Variants in ACO2 observed in about 807,000 individuals in gnomAD.
The protein encoded by ACO2 is aconitase 2.
ACO2 carries 31 observed loss-of-function variants against 84.5 expected under a neutral mutation model. The observed-to-expected ratio is 0.37, with a 90% confidence interval of 0.28 to 0.50. The LOEUF is 0.50. Among genes scored for constraint, ACO2 ranks in the 20% least tolerant of loss-of-function variants. ACO2 has a pLI of 0.97. For missense variants in ACO2, 685 were observed against 1,029.3 expected, an observed-to-expected ratio of 0.67 and a Z score of 4.58; for synonymous variants, 414 against 412.7, an observed-to-expected ratio of 1.00 and a Z score of -0.04.
chr22:41,517,521 C>A lies in ACO2; in HGVS notation c.836-6C>A. ...AGCCAATGCCCGGGGCTCTGTTGCT[C>A]CACAGGCATGGCGACAATCTGCAAC... On this transcript the variant is annotated splice_region_variant and splice_polypyrimidine_tract_variant and intron_variant, in intron 6 of 17. Transcript: ENST00000216254. 6.2e-7 allele frequency: 1 copy of A among 1,613,342 alleles called. No homozygotes were observed.
chr22:41,496,915 T>G (rs111613349), intron 1 of ACO2, among the ~76,000 whole-genome samples: 1 of 152,116 alleles, frequency 6.6e-6, no homozygotes, highest in South Asian at 2.1e-4. Context: ...GTTCAGGTGC[T>G]GAGATTGACA....
chr22:41,499,930 G>C, intron 2 of ACO2, 68 bp downstream of exon 2: 1 of 1,580,804 alleles, frequency 6.3e-7, no homozygotes, highest in Non-Finnish European at 8.6e-7. Context: ...GTCAGGCAGA[G>C]AAGGAGGTGT....
intron 1 of ACO2, among the ~76,000 whole-genome samples, chr22:41,489,327 G>A (rs1383120229): frequency 1.3e-5 from 2 of 152,180 alleles, no homozygotes; most frequent in Admixed American, 1.3e-4. Flanking sequence ...TACAGGTGTT[G>A]TGAGCCCTGC....
chr22:41,525,450 A>G (rs2066574206), intron 14 of ACO2, 102 bp downstream of exon 14: 1 of 1,438,614 alleles, frequency 7.0e-7, no homozygotes, highest in East Asian at 2.3e-5. Flanking sequence ...AGCACAGTCA[A>G]GACGCAGGTG....
intron 2 of ACO2, among the ~76,000 whole-genome samples, chr22:41,502,455 C>T (rs2066360021): frequency 6.6e-6 from 1 of 152,206 alleles, no homozygotes; most frequent in Non-Finnish European, 1.5e-5. Context: ...GAACCACTGT[C>T]CCTGTCAATA....
At chr22:41,507,744 G>A in intron 2 of ACO2, 47 bp from the exon 3 acceptor site, 1 of 1,580,978 alleles carries the variant, frequency 6.3e-7, no homozygotes, top group Non-Finnish European at 8.6e-7. Context: ...GGCGGGAGGA[G>A]GCCGTGCAGC....
In ACO2 at chr22:41,528,617, C is replaced by T. The variant is rs1382739120; in HGVS notation, c.*4C>T. 2 of 1,576,206 alleles carry T rather than the reference C, an allele frequency of 1.3e-6. No homozygotes were observed. Among genetic ancestry groups the T allele is most frequent in the Non-Finnish European group, 1.7e-6 (2 of 1,164,788 alleles). ...AATGAAGGAACTGCAACAGTGAGGG[C>T]AGTGCCTCCCCGCCCCGCCGCTGGC... On this transcript the variant is annotated 3_prime_UTR_variant, in exon 18 of 18. Coordinates refer to ENST00000216254, the MANE Select transcript of ACO2 (RefSeq NM_001098.3).
intron 1 of ACO2, among the ~76,000 whole-genome samples, chr22:41,495,903 AGTT>A (rs1348760361): frequency 1.3e-5 from 2 of 151,834 alleles, no homozygotes; most frequent in Non-Finnish European, 2.9e-5. Context: ...GCTCAGCCAC[AGTT>A]GTTTTTATTT....
intron 1 of ACO2, among the ~76,000 whole-genome samples, chr22:41,493,141 C>G (rs2066285832): frequency 6.6e-6 from 1 of 152,072 alleles, no homozygotes; most frequent in African/African-American, 2.4e-5. Context: ...ACAACTAACC[C>G]ACTTCTGTAA....
At chr22:41,506,925 G>C (rs893603649) in intron 2 of ACO2, among the ~76,000 whole-genome samples, 1 of 151,826 alleles carries the variant, frequency 6.6e-6, no homozygotes, top group Admixed American at 6.6e-5. Context: ...GTGCAGCCGG[G>C]AGTCAGCCGG....
chr22:41,515,481 T>C lies in ACO2; in HGVS notation c.630T>C (p.Gly210=). 6.2e-7 allele frequency: 1 copy of C among 1,613,484 alleles called. No individual in the cohort carries two copies. The highest frequency in any genetic ancestry group is 1.3e-5 in the African/African-American group (1 of 74,944). The change falls in exon 5 of 18, where the codon GGT becomes GGC. Residue 210 remains glycine, a synonymous_variant. Transcript: ENST00000216254. This position sits in a 1 kb window ranked among gnomAD's most constrained non-coding sequence, Gnocchi z 5.8. ...GLGGICIGVG[G]ADAVDVMAGI... The stretch of plus-strand genomic sequence containing the variant: ...GGGGCATCTGCATTGGAGTTGGGGG[T>C]GCCGATGCTGTGGATGTCATGGCTG...
rs1601938744 is a variant in ACO2 at position 41,528,010 on chromosome 22, C to T, written c.2196C>T (p.Phe732=). ...TGACCATTCAGGGCCTGAAGGACTT[C>T]ACCCCTGGCAAGGTTAGGGGCCCGG... ...DKLTIQGLKD[F]TPGKPLKCII... The change falls in exon 17 of 18, where the codon TTC becomes TTT. Residue 732 remains phenylalanine (F), a synonymous_variant. Coordinates refer to ENST00000216254, the MANE Select transcript of ACO2 (RefSeq NM_001098.3). 6.2e-7 allele frequency: 1 copy of T among 1,614,172 alleles called. No individual in the cohort carries two copies. Among genetic ancestry groups the T allele is most frequent in the African/African-American group, 1.3e-5 (1 of 75,054 alleles).
At chr22:41,478,218 A>G (rs886401937) in intron 1 of ACO2, among the ~76,000 whole-genome samples, 1 of 151,776 alleles carries the variant, frequency 6.6e-6, no homozygotes, top group Non-Finnish European at 1.5e-5. Context: ...TCTCACTGCA[A>G]CCTCCACCTC....
chr22:41,518,406 C>T (rs1316700557), intron 7 of ACO2, 75 bp from the exon 8 acceptor site: 2 of 1,155,238 alleles, frequency 1.7e-6, no homozygotes, highest in Non-Finnish European at 2.6e-6. Context: ...GGCAGGTGCT[C>T]AGGTGGGTGG....
chr22:41,497,327 C>T (rs2066321503), intron 1 of ACO2, among the ~76,000 whole-genome samples: 1 of 152,116 alleles, frequency 6.6e-6, no homozygotes, highest in Admixed American at 6.5e-5. Context: ...CCTCAGCCTC[C>T]CAAAGTGCTG....
chr22:41,518,708 T>C (rs1601920802), intron 8 of ACO2, 136 bp downstream of exon 8: 2 of 678,612 alleles, frequency 2.9e-6, no homozygotes, highest in East Asian at 5.7e-5. Flanking sequence ...CCAAGGCAGG[T>C]GGGTCAGTTG....
chr22:41,513,264 A>G (rs2066449348), intron 4 of ACO2, among the ~76,000 whole-genome samples: 1 of 152,152 alleles, frequency 6.6e-6, no homozygotes, highest in African/African-American at 2.4e-5. Context: ...TCCTGGGCCA[A>G]AGTTTGGAGC....
chr22:41,479,858 C>T (rs969515558), intron 1 of ACO2, among the ~76,000 whole-genome samples: 2 of 152,196 alleles, frequency 1.3e-5, no homozygotes, highest in Non-Finnish European at 1.5e-5. Context: ...CTGATGTAGG[C>T]AGCAAAAGAG....
At chr22:41,478,712 G>A (rs1569000753) in intron 1 of ACO2, among the ~76,000 whole-genome samples, 1 of 151,546 alleles carries the variant, frequency 6.6e-6, no homozygotes, top group Non-Finnish European at 1.5e-5. Flanking sequence ...ACTTACCAAA[G>A]AGGTATCTAG....
Sources: gnomAD v4.1 joint callset for allele counts (sites outside exome capture counted in the v4.1 genomes callset) on GRCh38, gnomAD v4.1.1 for gene constraint, Gnocchi (gnomAD v3.1) non-coding constraint, MANE v1.5 for transcripts, NCBI Gene and HGNC (gene_info 2026-07-23, HGNC 2026-07-21) for gene names.